ROBO1: variants seen among roughly 807,000 people sequenced by gnomAD.
The protein encoded by ROBO1 is roundabout homolog 1.
A neutral mutation model predicts 195.9 loss-of-function variants in ROBO1; 149 were observed. That is an observed-to-expected ratio of 0.76 (90% confidence interval 0.67 to 0.87). ROBO1 has a LOEUF of 0.87. Ranked by LOEUF, ROBO1 falls within the 40% of genes least tolerant of loss-of-function variation. The pLI, the probability that ROBO1 is intolerant of heterozygous loss-of-function variation, is 0.00. For synonymous variants in ROBO1, 816 were observed against 733.2 expected (o/e 1.11, Z -1.82); for missense variants, 1,933 against 2,068.3 (o/e 0.93, Z 1.27).
At chr3:78,711,385 TC>T (rs2081718604) in intron 8 of ROBO1, among the ~76,000 whole-genome samples, 3 of 44,308 alleles carry the variant, frequency 6.8e-5, no homozygotes, top group African/African-American at 3.0e-4. Flanking sequence ...CTTCCTTCCT[TC>T]CTTCCTTCCT....
chr3:78,661,008 T>G (rs745530107), intron 16 of ROBO1, 22 bp downstream of exon 16: 18 of 1,539,040 alleles, frequency 1.2e-5, no homozygotes, highest in Admixed American at 1.0e-4. Flanking sequence ...TGCATGGAAA[T>G]CAAACGCTTC....
intron 2 of ROBO1, among the ~76,000 whole-genome samples, chr3:79,369,678 C>CTT (rs1165239836): frequency 5.5e-5 from 8 of 145,204 alleles, no homozygotes; most frequent in African/African-American, 1.5e-4. Flanking sequence ...AGGCTTCTTT[C>CTT]TTTTTTTTTT....
chr3:79,259,918 G>A (rs1328319130), intron 2 of ROBO1, among the ~76,000 whole-genome samples: 1 of 152,082 alleles, frequency 6.6e-6, no homozygotes, highest in African/African-American at 2.4e-5. Context: ...TGTAATTCTT[G>A]CTTCATCAGT....
chr3:78,702,048 T>C (rs2081433103), intron 8 of ROBO1, among the ~76,000 whole-genome samples: 1 of 152,208 alleles, frequency 6.6e-6, no homozygotes, highest in South Asian at 2.1e-4. Flanking sequence ...TTATACAAAA[T>C]ATTTTTAAAA....
intron 3 of ROBO1, among the ~76,000 whole-genome samples, chr3:79,056,714 C>T (rs113840632): frequency 1.6e-4 from 24 of 152,116 alleles, no homozygotes; most frequent in African/African-American, 3.6e-4. Flanking sequence ...AATTCATAGA[C>T]GAAAGAATCC....
intron 2 of ROBO1, among the ~76,000 whole-genome samples, chr3:79,485,584 A>G (rs548635000): frequency 6.6e-6 from 1 of 152,240 alleles, no homozygotes; most frequent in African/African-American, 2.4e-5. Context: ...TTAACCCACA[A>G]TCGTAATAGA....
chr3:78,960,779 AACACAC>A (rs751349324), intron 3 of ROBO1, among the ~76,000 whole-genome samples: 17,253 of 124,190 alleles, frequency 0.14, 1,167 homozygotes, highest in Middle Eastern at 0.22. Flanking sequence ...TCCGTATTAA[AACACAC>A]ACACACACAC....
chr3:78,925,903 C>T lies in ROBO1; in HGVS notation c.499+12698G>A, dbSNP rs572988504. 7.2e-5 allele frequency among the ~76,000 whole-genome samples: 11 copies of T among 151,928 alleles called. No homozygotes were observed. The South Asian group carries it at 2.3e-3, about 32-fold the overall frequency. ...TTTTTTTTTTTGAGACAGAGTATCG[C>T]TCTGTTGCCCAGGCTGGAGTACAAT... On this transcript the variant is annotated intron_variant, in intron 4 of 30. Coordinates refer to ENST00000464233, the MANE Select transcript of ROBO1 (RefSeq NM_002941.4).
chr3:79,002,342 G>T (rs1302618191), intron 3 of ROBO1, among the ~76,000 whole-genome samples: 3 of 151,896 alleles, frequency 2.0e-5, no homozygotes, highest in Non-Finnish European at 2.9e-5. Context: ...ATTTCTAATT[G>T]GTACTTAATT....
chr3:79,405,614 C>T lies in ROBO1; in HGVS notation c.88+184210G>A, dbSNP rs2106813286. 2.0e-5 allele frequency among the ~76,000 whole-genome samples: 3 copies of T among 151,884 alleles called. 1 individual carries two copies. Among genetic ancestry groups the T allele is most frequent in the Middle Eastern group, 6.8e-3 (2 of 292 alleles). Reference sequence around the variant, plus strand: ...GAATCTATTGATTTTTGGTATTGACCCCATTATCTGATCAACATTGCAAGA... The same window carrying T: ...GAATCTATTGATTTTTGGTATTGACTCCATTATCTGATCAACATTGCAAGA... On this transcript the variant is annotated intron_variant, in intron 2 of 30. Coordinates refer to ENST00000464233, the MANE Select transcript of ROBO1 (RefSeq NM_002941.4).
At chr3:79,699,429 A>T (rs1384079115) in intron 1 of ROBO1, among the ~76,000 whole-genome samples, 1 of 151,596 alleles carries the variant, frequency 6.6e-6, no homozygotes, top group Non-Finnish European at 1.5e-5. Flanking sequence ...AAGTACCATA[A>T]ATACAATAAC....
At chr3:79,288,488 G>A (rs899757460) in intron 2 of ROBO1, among the ~76,000 whole-genome samples, 3 of 152,094 alleles carry the variant, frequency 2.0e-5, no homozygotes, top group Non-Finnish European at 2.9e-5. Flanking sequence ...CTTTAGATAC[G>A]TGTGCATGTG....
At position 78,628,280 on chromosome 3, in the gene ROBO1, G is replaced by T. The variant is rs1175640925; in HGVS notation, c.3627-711C>A. ...AGAAAAATTACTCTTAACAATCTTT[G>T]CAGAGAAAGATATAATGGAGGTCAA... On this transcript the variant is annotated intron_variant, in intron 25 of 30. Coordinates refer to ENST00000464233, the MANE Select transcript of ROBO1 (RefSeq NM_002941.4). Among the ~76,000 whole-genome samples the T allele has an allele frequency of 5.9e-5, 9 of 152,142 alleles. 1 individual carries two copies. The highest frequency in any genetic ancestry group is 5.2e-4 in the Admixed American group (8 of 15,262).
intron 2 of ROBO1, among the ~76,000 whole-genome samples, chr3:79,237,300 T>C (rs1286249249): frequency 2.6e-5 from 4 of 151,904 alleles, no homozygotes; most frequent in Non-Finnish European, 5.9e-5. Context: ...TGCTAACACG[T>C]TGAAACTCCG....
rs1412859103 is a variant in ROBO1 at position 78,668,060 on chromosome 3, A to G, written c.1800-11T>C. On this transcript the variant is annotated splice_polypyrimidine_tract_variant and intron_variant, in intron 13 of 30. Coordinates refer to ENST00000464233, the MANE Select transcript of ROBO1 (RefSeq NM_002941.4). ...CTACCAGATGCATGGCTAAGGATAG[A>G]CACACAGGTTAGAACATGCGTATTT... 1 of 1,613,244 alleles carries G rather than the reference A, an allele frequency of 6.2e-7. No individual in the cohort carries two copies. The highest frequency in any genetic ancestry group is 1.3e-5 in the African/African-American group (1 of 74,906).
chr3:79,082,318 A>G (rs1259422195), intron 3 of ROBO1, among the ~76,000 whole-genome samples: 2 of 152,184 alleles, frequency 1.3e-5, no homozygotes, highest in African/African-American at 4.8e-5. Context: ...TATATTGTCT[A>G]TACTTATTAT....
rs200727152 is a variant in ROBO1 at position 79,661,927 on chromosome 3, C to CT, written c.-50-71967dup. Among the ~76,000 whole-genome samples the CT allele has an allele frequency of 9.3e-4, 141 of 151,340 alleles. No homozygotes were observed. In the Middle Eastern group the frequency reaches 0.017, roughly 18 times the overall value. On this transcript the variant is annotated intron_variant, in intron 1 of 30. Coordinates refer to ENST00000464233, the MANE Select transcript of ROBO1 (RefSeq NM_002941.4). Reference sequence around the variant, plus strand: ...CCATTGTACTTTGTTTATATTTTCTCTTTTTTTTTGTTTCTTTGAATGCCT... The same window carrying CT: ...CCATTGTACTTTGTTTATATTTTCTCTTTTTTTTTTGTTTCTTTGAATGCCT...
chr3:79,390,611 A>T (rs554317598), intron 2 of ROBO1, among the ~76,000 whole-genome samples: 2 of 152,186 alleles, frequency 1.3e-5, no homozygotes, highest in Non-Finnish European at 2.9e-5. Context: ...GAGCAGCCTT[A>T]GTAAGAGGCA....
chr3:78,715,997 T>A (rs750544268), intron 7 of ROBO1, among the ~76,000 whole-genome samples: 12 of 152,236 alleles, frequency 7.9e-5, no homozygotes, highest in Non-Finnish European at 1.6e-4. Context: ...TACCTAGCCA[T>A]GCTAAACTTT....
Sources: gnomAD v4.1 joint callset for allele counts (sites outside exome capture counted in the v4.1 genomes callset) on GRCh38, gnomAD v4.1.1 for gene constraint, MANE v1.5 for transcripts, NCBI Gene and HGNC (gene_info 2026-07-23, HGNC 2026-07-21) for gene names.